The following COL4A1 variants were observed in gnomAD, a reference collection of about 807,000 sequenced individuals.
COL4A1 encodes the protein collagen type IV alpha 1 chain.
In COL4A1, 40 loss-of-function variants were observed where a neutral mutation model predicts 216.6. The ratio of observed to expected loss-of-function variants is 0.18; its 90% confidence interval spans 0.14 to 0.24. COL4A1 has a LOEUF of 0.24. COL4A1 is among the 10% of genes least tolerant of loss of function. The probability of loss-of-function intolerance (pLI) is 1.00; values close to 1 mark genes in which losing one functional copy is unlikely to be tolerated. For synonymous variants in COL4A1, 839 were observed against 810.7 expected (o/e 1.03, Z -0.59); for missense variants, 1,628 against 2,196.8 (o/e 0.74, Z 5.18).
chr13:110,261,750 G>A (rs904473911), intron 1 of COL4A1, among the ~76,000 whole-genome samples: 1 of 152,236 alleles, frequency 6.6e-6, no homozygotes, highest in African/African-American at 2.4e-5. Flanking sequence ...GCCGCGCAGG[G>A]GCAGGGGCTC....
rs1371362943 is a variant in COL4A1, at chr13:110,287,868, G to A, written c.84+19076C>T. Among the ~76,000 whole-genome samples the A allele has an allele frequency of 2.6e-5, 4 of 152,340 alleles. No individual in the cohort carries two copies. The East Asian group carries it at 5.8e-4, about 22-fold the overall frequency. ...CTATTTTCAGACTCAGAAGAGAGCC[G>A]TTCAAGTGGTGGCAATGCCACCAAT... On this transcript the variant is annotated intron_variant, in intron 1 of 51. Transcript: ENST00000375820.
chr13:110,156,426 A>G (rs1484203367), intron 49 of COL4A1, among the ~76,000 whole-genome samples: 6 of 152,222 alleles, frequency 3.9e-5, no homozygotes, highest in Non-Finnish European at 7.3e-5. Flanking sequence ...GAATGTCCAC[A>G]TGGGCCTCCT....
At chr13:110,291,417 G>A (rs562104531) in intron 1 of COL4A1, among the ~76,000 whole-genome samples, 27 of 152,304 alleles carry the variant, frequency 1.8e-4, no homozygotes, top group African/African-American at 6.5e-4. Flanking sequence ...ATGTCGGGAT[G>A]TGCTAGGGGT....
At chr13:110,175,135 C>G in intron 37 of COL4A1, 83 bp downstream of exon 37, 1 of 1,549,354 alleles carries the variant, frequency 6.5e-7, no homozygotes, top group Non-Finnish European at 8.9e-7. Context: ...ATTGAGTGTG[C>G]TGAGATATTT....
chr13:110,245,736 G>A (rs886904557), intron 1 of COL4A1, among the ~76,000 whole-genome samples: 1 of 152,196 alleles, frequency 6.6e-6, no homozygotes, highest in African/African-American at 2.4e-5. Context: ...GCAGATAAGA[G>A]GCTGCAAGGC....
intron 1 of COL4A1, among the ~76,000 whole-genome samples, chr13:110,266,390 A>G (rs1883036155): frequency 6.6e-6 from 1 of 152,216 alleles, no homozygotes; most frequent in Non-Finnish European, 1.5e-5. Context: ...ATCCTAGCTC[A>G]GGAAAAGCAA....
Position 110,174,458 on chromosome 13 carries a change from T to A in COL4A1, c.3394A>T (p.Lys1132Ter). 6.2e-7 allele frequency: 1 copy of A among 1,614,022 alleles called. No homozygotes were observed. Among genetic ancestry groups the A allele is most frequent in the Non-Finnish European group, 8.5e-7 (1 of 1,180,020 alleles). Residue 1132 changes from lysine (K) to a stop codon, truncating the protein, a stop_gained, in exon 39 of 52, where the codon AAA becomes TAA. Transcript: ENST00000375820. LOFTEE classifies it high-confidence loss of function. ...LPGLDGIPGV[K>*]GEAGLPGTPG... Reference sequence around the variant, plus strand: ...GAGGGCCCTCTACCTGCTTCTCCTTTGACACCAGGGATGCCATCCAATCCT... The same window carrying A: ...GAGGGCCCTCTACCTGCTTCTCCTTAGACACCAGGGATGCCATCCAATCCT...
At chr13:110,169,361 C>T (rs1354567157) in intron 43 of COL4A1, among the ~76,000 whole-genome samples, 1 of 152,126 alleles carries the variant, frequency 6.6e-6, no homozygotes, top group African/African-American at 2.4e-5. Flanking sequence ...AGCAGTATAA[C>T]ATTTCCCTTT....
rs140757765 is a variant in COL4A1, at chr13:110,196,778, C to T, written c.1286-1660G>A. On this transcript the variant is annotated intron_variant, in intron 21 of 51. Coordinates refer to ENST00000375820, the MANE Select transcript of COL4A1 (RefSeq NM_001845.6). ...TAGAGCTGGCTGTACCCACTTGAGA[C>T]AAGAATGCAGTGGCAGAACTTACAT... is the stretch of plus-strand genomic sequence containing the variant. Among the ~76,000 whole-genome samples the T allele has an allele frequency of 3.9e-5, 6 of 152,290 alleles. No homozygotes were observed. The East Asian group carries it at 9.6e-4, about 24-fold the overall frequency.
chr13:110,201,487 C>G lies in COL4A1; in HGVS notation c.1035G>C (p.Glu345Asp). The change falls in exon 19 of 52, where the codon GAG (glutamate) becomes GAC (aspartate). Residue 345 changes from glutamate (E) to aspartate (D), a missense_variant. Transcript: ENST00000375820. ...GCCCCGGAGTTCCAGGGTAGCCCCTCTCTCCTTTTTCTCCCAAAGGTCCTG... is the reference window on the plus strand; with the variant it reads ...GCCCCGGAGTTCCAGGGTAGCCCCTGTCTCCTTTTTCTCCCAAAGGTCCTG... ...IGTGPLGEKG[E>D]RGYPGTPGPR... 1 of 1,614,184 alleles carries G rather than the reference C, an allele frequency of 6.2e-7. No homozygotes were observed. Among genetic ancestry groups the G allele is most frequent in the Non-Finnish European group, 8.5e-7 (1 of 1,180,026 alleles).
At chr13:110,257,316 T>A (rs1009421708) in intron 1 of COL4A1, among the ~76,000 whole-genome samples, 1 of 152,172 alleles carries the variant, frequency 6.6e-6, no homozygotes, top group Non-Finnish European at 1.5e-5. Flanking sequence ...CAGAGATCCA[T>A]CTGGGAGACT....
intron 1 of COL4A1, among the ~76,000 whole-genome samples, chr13:110,267,860 T>C (rs1477452847): frequency 2.0e-5 from 3 of 152,140 alleles, no homozygotes; most frequent in African/African-American, 4.8e-5. Flanking sequence ...TATTATTATA[T>C]GTATATTTAT....
intron 22 of COL4A1, 73 bp from the exon 23 acceptor site, chr13:110,192,986 G>A: frequency 7.2e-7 from 1 of 1,388,286 alleles, no homozygotes; most frequent in Admixed American, 1.7e-5. Context: ...TGAGAGAACA[G>A]AAAAAGGCAA....
intron 2 of COL4A1, among the ~76,000 whole-genome samples, chr13:110,224,018 A>AT (rs1197874091): frequency 2.0e-5 from 3 of 152,332 alleles, no homozygotes; most frequent in Admixed American, 6.5e-5. Context: ...CATTAAAAAA[A>AT]ATATATATGG....
intron 33 of COL4A1, 23 bp from the exon 34 acceptor site, chr13:110,177,060 T>C: frequency 6.2e-7 from 1 of 1,612,714 alleles, no homozygotes. Context: ...GAGAAGGCAC[T>C]GGTGAGCCTG....
Position 110,183,072 on chromosome 13 carries a change from TG to T in COL4A1, c.2015del (p.Pro672GlnfsTer130), listed in dbSNP as rs1878247937. On this transcript the variant is annotated frameshift_variant, in exon 28 of 52. Transcript: ENST00000375820. LOFTEE classifies it high-confidence loss of function. ...TCTCTCCTGGCAGGCCTGGCCTTCC[TG>T]GGGTTCCGGGAAAGCCTCGGTCTCC... ...PQGDRGFPGT[P>X]GRPGLPGEKG... 6.2e-7 allele frequency: 1 copy of T among 1,613,054 alleles called. No homozygotes were observed. Among genetic ancestry groups the T allele is most frequent in the Admixed American group, 1.7e-5 (1 of 59,922 alleles).
chr13:110,226,087 T>C (rs1004966117), intron 2 of COL4A1, among the ~76,000 whole-genome samples: 3 of 152,230 alleles, frequency 2.0e-5, no homozygotes, highest in Admixed American at 6.5e-5. Context: ...AGCCACAGAA[T>C]GTTTTAAAAG....
intron 51 of COL4A1, among the ~76,000 whole-genome samples, chr13:110,150,765 C>A (rs147060448): frequency 2.6e-5 from 4 of 152,346 alleles, no homozygotes; most frequent in African/African-American, 4.8e-5. Flanking sequence ...TGCCACCCTG[C>A]CTCCTCGTAC....
At chr13:110,190,444 G>A (rs1233638896) in intron 24 of COL4A1, among the ~76,000 whole-genome samples, 4 of 152,164 alleles carry the variant, frequency 2.6e-5, no homozygotes, top group Non-Finnish European at 1.5e-5. Context: ...CATGAAACCT[G>A]CTCAGACCAA....
Sources: allele counts gnomAD v4.1 joint callset (sites outside exome capture counted in the v4.1 genomes callset), GRCh38; gene constraint gnomAD v4.1.1; transcripts MANE v1.5; gene names NCBI Gene and HGNC (gene_info 2026-07-23, HGNC 2026-07-21).